INPP4B: variants seen among roughly 807,000 people sequenced by gnomAD.
INPP4B encodes the protein inositol polyphosphate-4-phosphatase type II B.
A neutral mutation model predicts 122.5 loss-of-function variants in INPP4B; 55 were observed. That is an observed-to-expected ratio of 0.45 (90% CI 0.36 to 0.56). INPP4B has a LOEUF of 0.56. Ranked by LOEUF, INPP4B falls within the 20% of genes least tolerant of loss-of-function variation. The pLI, the probability that INPP4B is intolerant of heterozygous loss-of-function variation, is 0.00. For missense variants in INPP4B, 1,000 were observed against 1,097.7 expected, an observed-to-expected ratio of 0.91 and a Z score of 1.26; for synonymous variants, 403 against 388.7, an observed-to-expected ratio of 1.04 and a Z score of -0.43.
rs545928779 is a variant in INPP4B, at chr4:142,486,628, T to A, written c.-190-23902A>T. Among the ~76,000 whole-genome samples the A allele has an allele frequency of 5.0e-3, 763 of 152,296 alleles. 6 individuals carry two copies. The highest frequency in any genetic ancestry group is 0.018 in the African/African-American group (729 of 41,592). On this transcript the variant is annotated intron_variant, in intron 2 of 25. Transcript: ENST00000262992. ...TTTTTTATATATAGAAACTCTAATT[T>A]ATCAGTTTTCCACTTACGGTTTGTG... is the stretch of plus-strand genomic sequence containing the variant.
chr4:142,351,680 C>T (rs757074174), intron 7 of INPP4B, among the ~76,000 whole-genome samples: 20 of 152,004 alleles, frequency 1.3e-4, no homozygotes, highest in South Asian at 1.0e-3. Flanking sequence ...AGTCAAGAAA[C>T]GTAGAAAATA....
intron 2 of INPP4B, among the ~76,000 whole-genome samples, chr4:142,667,082 T>C (rs1011795988): frequency 3.9e-5 from 6 of 152,190 alleles, no homozygotes; most frequent in Non-Finnish European, 7.3e-5. Context: ...TGTGGGGCAA[T>C]GCTGATCATA....
chr4:142,144,690 T>TATGA (rs1344356343), intron 18 of INPP4B, among the ~76,000 whole-genome samples: 1 of 152,076 alleles, frequency 6.6e-6, no homozygotes, highest in Non-Finnish European at 1.5e-5. Context: ...GTTTTGCCTA[T>TATGA]ATGAATGTAT....
chr4:142,326,921 C>T (rs566338586), intron 7 of INPP4B, among the ~76,000 whole-genome samples: 1 of 152,154 alleles, frequency 6.6e-6, no homozygotes, highest in South Asian at 2.1e-4. Context: ...TGCCCAGGGC[C>T]ACTTCATTAG....
chr4:142,416,056 T>C (rs889405441), intron 5 of INPP4B, among the ~76,000 whole-genome samples: 4 of 151,940 alleles, frequency 2.6e-5, no homozygotes, highest in African/African-American at 4.8e-5. Flanking sequence ...TAATGCTAAA[T>C]GATGAGTTAA....
chr4:142,555,551 C>T (rs139957675), intron 2 of INPP4B, among the ~76,000 whole-genome samples: 1 of 152,028 alleles, frequency 6.6e-6, no homozygotes, highest in African/African-American at 2.4e-5. Flanking sequence ...AGGGTGAGGA[C>T]TTTGAAACTG....
At chr4:142,341,763 A>G (rs554675042) in intron 7 of INPP4B, among the ~76,000 whole-genome samples, 31 of 151,926 alleles carry the variant, frequency 2.0e-4, no homozygotes, top group Non-Finnish European at 3.8e-4. Context: ...TATAGTAAGT[A>G]GCCATTCTGG....
At chr4:142,550,027 T>G (rs2150072351) in intron 2 of INPP4B, among the ~76,000 whole-genome samples, 1 of 152,300 alleles carries the variant, frequency 6.6e-6, no homozygotes, top group South Asian at 2.1e-4. Context: ...TGGTGAATTT[T>G]CACTGTCAGG....
chr4:142,398,666 A>G (rs1343617139), intron 7 of INPP4B, among the ~76,000 whole-genome samples: 4 of 151,828 alleles, frequency 2.6e-5, no homozygotes, highest in Admixed American at 2.6e-4. Flanking sequence ...ACAGAAAAAC[A>G]TAAAAAATGA....
intron 3 of INPP4B, among the ~76,000 whole-genome samples, chr4:142,460,949 T>C (rs1482861951): frequency 6.6e-6 from 1 of 152,026 alleles, no homozygotes; most frequent in Non-Finnish European, 1.5e-5. Flanking sequence ...CAGGCCAAGA[T>C]GGGTGGATCA....
At chr4:142,436,386 C>G (rs1296057420) in intron 3 of INPP4B, among the ~76,000 whole-genome samples, 1 of 152,202 alleles carries the variant, frequency 6.6e-6, no homozygotes, top group Non-Finnish European at 1.5e-5. Flanking sequence ...GTGCAGCACA[C>G]CCCCTCCACC....
chr4:142,452,097 C>G, intron 3 of INPP4B, among the ~76,000 whole-genome samples: 1 of 152,160 alleles, frequency 6.6e-6, no homozygotes, highest in Admixed American at 6.5e-5. Context: ...TTTTCCCCAC[C>G]CTGTGTCCAG....
intron 11 of INPP4B, among the ~76,000 whole-genome samples, chr4:142,253,444 G>A (rs1014526661): frequency 5.3e-5 from 8 of 152,200 alleles, no homozygotes; most frequent in Non-Finnish European, 8.8e-5. Context: ...CTGAGGTACC[G>A]GGTTCATCTC....
At chr4:142,072,392 G>C (rs191373552) in intron 25 of INPP4B, among the ~76,000 whole-genome samples, 1 of 151,630 alleles carries the variant, frequency 6.6e-6, no homozygotes, top group Admixed American at 6.6e-5. Flanking sequence ...TGTAAATGAC[G>C]GGTGCAGCAT....
intron 12 of INPP4B, among the ~76,000 whole-genome samples, chr4:142,210,014 C>A (rs1400163524): frequency 2.0e-5 from 3 of 152,016 alleles, no homozygotes; most frequent in Non-Finnish European, 4.4e-5. Context: ...TAATTTAAAT[C>A]ATCAGAATGC....
intron 2 of INPP4B, among the ~76,000 whole-genome samples, chr4:142,635,258 T>C (rs756900421): frequency 1.3e-5 from 2 of 152,238 alleles, no homozygotes; most frequent in Non-Finnish European, 2.9e-5. Context: ...ACACTGTTAG[T>C]GTGAGTTTAA....
intron 2 of INPP4B, among the ~76,000 whole-genome samples, chr4:142,483,805 G>C (rs1399874152): frequency 1.3e-5 from 2 of 151,972 alleles, no homozygotes; most frequent in African/African-American, 4.8e-5. Context: ...GGATATTAAA[G>C]GAAAATGTGA....
At chr4:142,689,178 A>G (rs1314123500) in intron 2 of INPP4B, among the ~76,000 whole-genome samples, 2 of 152,196 alleles carry the variant, frequency 1.3e-5, no homozygotes, top group African/African-American at 2.4e-5. Context: ...CTGTCTAGGC[A>G]GCGGGCAAGG....
At chr4:142,830,071 T>G (rs1781938066) in intron 1 of INPP4B, among the ~76,000 whole-genome samples, 1 of 152,134 alleles carries the variant, frequency 6.6e-6, no homozygotes, top group Non-Finnish European at 1.5e-5. Context: ...AAGAGAGAGA[T>G]GTATTGTGTT....
Sources: gnomAD v4.1 joint callset for allele counts (sites outside exome capture counted in the v4.1 genomes callset) on GRCh38, gnomAD v4.1.1 for gene constraint, MANE v1.5 for transcripts, NCBI Gene and HGNC (gene_info 2026-07-23, HGNC 2026-07-21) for gene names.